Variants in RYR1 observed in about 807,000 individuals in gnomAD.
RYR1 encodes the protein ryanodine receptor 1, also known as central core disease of muscle.
In RYR1, 342 loss-of-function variants were observed where a neutral mutation model predicts 583.5. The observed-to-expected ratio is 0.59, with a 90% confidence interval of 0.54 to 0.64. The LOEUF (loss-of-function observed/expected upper bound fraction) is 0.64, where lower values mean the gene tolerates loss of function less well. Ranked by LOEUF, RYR1 falls within the 30% of genes least tolerant of loss-of-function variation. The pLI, the probability that RYR1 is intolerant of heterozygous loss-of-function variation, is 0.00. For synonymous variants in RYR1, 2,791 were observed against 2,822.5 expected, an observed-to-expected ratio of 0.99 and a Z score of 0.35; for missense variants, 6,032 against 6,917.2, an observed-to-expected ratio of 0.87 and a Z score of 4.54.
chr19:38,527,536 G>T (rs1216687670), intron 72 of RYR1, 111 bp from the exon 73 acceptor site: 1 of 1,364,446 alleles, frequency 7.3e-7, no homozygotes, highest in African/African-American at 1.4e-5. Flanking sequence ...GAAGAAGAAA[G>T]GCCTCAACAT....
intron 16 of RYR1, among the ~76,000 whole-genome samples, chr19:38,456,259 C>A (rs562201730): frequency 6.7e-6 from 1 of 148,176 alleles, no homozygotes; most frequent in Admixed American, 7.0e-5. Context: ...CAGGCGTGAA[C>A]CACCAGCGCC....
chr19:38,560,944 G>T (rs1295352457), intron 89 of RYR1, among the ~76,000 whole-genome samples, 169 bp from the exon 90 acceptor site: 3 of 150,898 alleles, frequency 2.0e-5, no homozygotes, highest in Admixed American at 1.3e-4. Context: ...TGAGCCCGGG[G>T]GTGGGGATGG....
At chr19:38,572,848 C>T (rs894042802) in intron 95 of RYR1, among the ~76,000 whole-genome samples, 28 of 151,134 alleles carry the variant, frequency 1.9e-4, no homozygotes, top group African/African-American at 6.1e-4. Context: ...CTGCCAGCCC[C>T]GACTGCTCTG....
rs372702492 is a variant in RYR1 at position 38,510,645 on chromosome 19, C to G, written c.9001-15C>G. The G allele has an allele frequency of 6.8e-6, 11 of 1,614,050 alleles. No individual in the cohort carries two copies. Among genetic ancestry groups the G allele is most frequent in the Non-Finnish European group, 8.5e-6 (10 of 1,180,042 alleles). On this transcript the variant is annotated splice_polypyrimidine_tract_variant and intron_variant, in intron 59 of 105. Transcript: ENST00000359596. Reference sequence around the variant, plus strand: ...CCCCTCATTGGACCCTTTATCTCCCCCAACCCGTCTCCAGATCCTGCTCCC... The same window carrying G: ...CCCCTCATTGGACCCTTTATCTCCCGCAACCCGTCTCCAGATCCTGCTCCC...
chr19:38,510,718 C>T lies in RYR1; in HGVS notation c.9059C>T (p.Thr3020Ile). ...FTNHCLYFLS[T>I]PAKVLGSGGH... ...AACCACTGCCTCTATTTCTTGTCCA[C>T]TCCGGCTAAAGTGCTGGGCAGCGGT... The change falls in exon 60 of 106, where the codon ACT becomes ATT. Residue 3020 changes from threonine (T) to isoleucine (I), a missense_variant. Physicochemically the swap from Thr to Ile is moderately conservative, Grantham distance 89. Around this residue, in one of 11 missense-constraint regions of RYR1, gnomAD observed 1,493 missense variants for 1,715.5 expected, o/e 0.87. Coordinates refer to ENST00000359596, the MANE Select transcript of RYR1 (RefSeq NM_000540.3). 1 of 1,614,200 alleles carries T rather than the reference C, an allele frequency of 6.2e-7. No individual in the cohort carries two copies. Among genetic ancestry groups the T allele is most frequent in the Non-Finnish European group, 8.5e-7 (1 of 1,180,032 alleles).
chr19:38,570,540 TG>T (rs781602732), intron 93 of RYR1, 66 bp from the exon 94 acceptor site: 1 of 1,177,194 alleles, frequency 8.5e-7, no homozygotes, highest in Non-Finnish European at 1.3e-6. Flanking sequence ...AGGTAAATGA[TG>T]GGATGAATTC....
In RYR1 at chr19:38,500,064, C is replaced by G. The variant is rs759373447; in HGVS notation, c.7323+48C>G. ...GATGGGAAGGGAGGGCAGGCACAGCCGCTTTGAACGCCTCATGCAGGCACT... is the reference window on the plus strand; with the variant it reads ...GATGGGAAGGGAGGGCAGGCACAGCGGCTTTGAACGCCTCATGCAGGCACT... On this transcript the variant is annotated intron_variant, in intron 45 of 105. Transcript: ENST00000359596. This position sits in a 1 kb window ranked among gnomAD's most constrained non-coding sequence, Gnocchi z 5.9. 2 of 1,528,436 alleles carry G rather than the reference C, an allele frequency of 1.3e-6. No individual in the cohort carries two copies. Among genetic ancestry groups the G allele is most frequent in the African/African-American group, 1.4e-5 (1 of 73,306 alleles). 94.7% of individuals were successfully genotyped at this position (1,528,436 alleles called of 1,614,324 possible).
At position 38,532,871 on chromosome 19, in the gene RYR1, CAG is replaced by C. The variant is rs1971804368; in HGVS notation, c.11259+137_11259+138del. The C allele has an allele frequency of 8.3e-6, 7 of 839,142 alleles. No homozygotes were observed. The South Asian group carries it at 1.1e-4, about 13-fold the overall frequency. The allele number at this position is 839,142 out of a possible 1,614,324, so 52.0% of individuals were successfully genotyped here. On this transcript the variant is annotated intron_variant, in intron 78 of 105. Transcript: ENST00000359596. ...TGACCAAGTCAGTCCACTGGGGAGA[CAG>C]ATACACCCGCCAAACTAACACCACG... is the stretch of plus-strand genomic sequence containing the variant.
chr19:38,475,825 A>AT (rs1968693668), intron 29 of RYR1, among the ~76,000 whole-genome samples: 1 of 152,160 alleles, frequency 6.6e-6, no homozygotes, highest in Non-Finnish European at 1.5e-5. Flanking sequence ...AAAATTCATA[A>AT]TTGTCTTAAT....
In RYR1 at chr19:38,510,513, G is replaced by C; in HGVS notation, c.8948G>C (p.Ser2983Thr). Residue 2983 changes from serine (S) to threonine (T), a missense_variant, in exon 59 of 106, where the codon AGT becomes ACT. By Grantham distance (58) the Ser-to-Thr change is moderately conservative. Transcript: ENST00000359596. ...FIAHLEAVVS[S>T]GRVEKSPHEQ... ...CTCCCTACAGAGGCTGTGGTCAGCA[G>C]TGGGCGAGTGGAAAAGTCCCCACAT... 1 of 1,614,204 alleles carries C rather than the reference G, an allele frequency of 6.2e-7. No individual in the cohort carries two copies. The highest frequency in any genetic ancestry group is 8.5e-7 in the Non-Finnish European group (1 of 1,180,038).
At chr19:38,573,331 G>A (rs1210489732) in intron 96 of RYR1, 24 bp downstream of exon 96, 1 of 1,610,574 alleles carries the variant, frequency 6.2e-7, no homozygotes, top group Non-Finnish European at 8.5e-7. Flanking sequence ...CCCCACCTCA[G>A]GGTGGCAGCA....
At chr19:38,526,270 C>T (rs532623012) in intron 71 of RYR1, among the ~76,000 whole-genome samples, 3 of 151,990 alleles carry the variant, frequency 2.0e-5, no homozygotes, top group Admixed American at 6.6e-5. Flanking sequence ...CCCTCCTCTC[C>T]GATCCTTTCC....
At chr19:38,464,122 C>T (rs182599549) in intron 22 of RYR1, among the ~76,000 whole-genome samples, 1 of 151,592 alleles carries the variant, frequency 6.6e-6, no homozygotes, top group Admixed American at 6.6e-5. Context: ...ACTAAAAATA[C>T]AAAACTTAGC....
Position 38,534,812 on chromosome 19 carries a change from C to T in RYR1, c.11352C>T (p.Ala3784=), listed in dbSNP as rs1971894636. The change falls in exon 79 of 106, where the codon GCC becomes GCT. Residue 3784 remains alanine (A), a synonymous_variant. Transcript: ENST00000359596. ...AGATGGTGCTGCAGATGATCAGTGC[C>T]TGCAAAGGTGCCCCTCACATGTGCA... ...AAEMVLQMIS[A]CKGETGAMVS... The T allele has an allele frequency of 6.2e-7, 1 of 1,612,220 alleles. No homozygotes were observed. The highest frequency in any genetic ancestry group is 8.5e-7 in the Non-Finnish European group (1 of 1,179,406).
Position 38,485,930 on chromosome 19 carries a change from C to T in RYR1, c.5275C>T (p.Arg1759Trp), listed in dbSNP as rs759566652. The T allele has an allele frequency of 4.3e-6, 7 of 1,613,606 alleles. No individual in the cohort carries two copies. The highest frequency in any genetic ancestry group is 2.7e-5 in the African/African-American group (2 of 74,934). The part of the protein sequence containing the change: ...PGRSTENGHP[R>W]HGLPGVGVTT... ...AAGGAGCACAGAAAATGGTCACCCC[C>T]GGCATGGCCTGCCGGGAGTTGGAGT... is the stretch of plus-strand genomic sequence containing the variant. The change falls in exon 34 of 106, where the codon CGG (arginine) becomes TGG (tryptophan). Residue 1759 changes from arginine (R) to tryptophan (W), a missense_variant. Physicochemically the swap from Arg to Trp is moderately radical, Grantham distance 101. Transcript: ENST00000359596.
intron 73 of RYR1, 145 bp from the exon 74 acceptor site, chr19:38,528,159 ACT>A (rs780881781): frequency 2.7e-6 from 2 of 737,690 alleles, no homozygotes; most frequent in Non-Finnish European, 4.8e-6. Context: ...CAGGACCCTG[ACT>A]CTGTTGGTGG....
At chr19:38,462,051 T>C (rs528112300) in intron 20 of RYR1, among the ~76,000 whole-genome samples, 1 of 152,212 alleles carries the variant, frequency 6.6e-6, no homozygotes, top group South Asian at 2.1e-4. Context: ...CAAGACTCCA[T>C]CTCAAAAGAA....
chr19:38,582,415 A>AG (rs1215997564), intron 101 of RYR1, among the ~76,000 whole-genome samples: 1 of 151,270 alleles, frequency 6.6e-6, no homozygotes, highest in Non-Finnish European at 1.5e-5. Flanking sequence ...AGGAAAAAAA[A>AG]AAAGACTTAG....
Position 38,458,198 on chromosome 19 carries a change from C to T in RYR1, c.2073C>T (p.Tyr691=), listed in dbSNP as rs758187445. The T allele has an allele frequency of 1.2e-6, 2 of 1,613,834 alleles. No homozygotes were observed. Among genetic ancestry groups the T allele is most frequent in the Admixed American group, 3.3e-5 (2 of 60,008 alleles). Residue 691 remains tyrosine (Y), a synonymous_variant, in exon 18 of 106, where the codon TAC becomes TAT. Coordinates refer to ENST00000359596, the MANE Select transcript of RYR1 (RefSeq NM_000540.3). ...TGGGCTGGGCCCTCACCGAGGGCTA[C>T]ACCCCCTACCCTGGGGCCGGCGAGG... ...LRVGWALTEG[Y]TPYPGAGEGW... is the part of the protein sequence containing the mutation.
Sources: gnomAD v4.1 joint callset for allele counts (sites outside exome capture counted in the v4.1 genomes callset) on GRCh38, gnomAD v4.1.1 for gene constraint, gnomAD v4.1.1 regional missense constraint, Gnocchi (gnomAD v3.1) non-coding constraint, MANE v1.5 for transcripts, NCBI Gene and HGNC (gene_info 2026-07-23, HGNC 2026-07-21) for gene names.